PRPF4: variants seen among roughly 807,000 people sequenced by gnomAD.
PRPF4 encodes the protein pre-mRNA splicing tri-snRNP complex factor PRPF4.
PRPF4 carries 14 observed loss-of-function variants against 72.2 expected under a neutral mutation model. The ratio of observed to expected loss-of-function variants is 0.19; its 90% CI spans 0.13 to 0.30. The LOEUF is 0.30. PRPF4 is among the 10% of genes least tolerant of loss of function. The pLI, the probability that PRPF4 is intolerant of heterozygous loss-of-function variation, is 1.00. For missense variants in PRPF4, 478 were observed against 653.9 expected (o/e 0.73, Z 2.93); for synonymous variants, 225 against 232.2 (o/e 0.97, Z 0.28).
chr9:113,276,609 A>G lies in PRPF4; in HGVS notation c.89A>G (p.Tyr30Cys). ...CCGGTCGTGAAGAAACCACACATCTATTATGGAAGTTTGGAAGAGAAGGAG... is the reference window on the plus strand; with the variant it reads ...CCGGTCGTGAAGAAACCACACATCTGTTATGGAAGTTTGGAAGAGAAGGAG... ...VAPVVKKPHI[Y>C]YGSLEEKERE... is the part of the protein sequence containing the mutation. The change falls in exon 2 of 14, where the codon TAT (tyrosine) becomes TGT (cysteine). Residue 30 changes from tyrosine (Y) to cysteine (C), a missense_variant. Transcript: ENST00000374198. The G allele has an allele frequency of 6.2e-7, 1 of 1,614,156 alleles. No homozygotes were observed. Among genetic ancestry groups the G allele is most frequent in the Non-Finnish European group, 8.5e-7 (1 of 1,180,030 alleles).
chr9:113,282,894 T>C (rs1290470987), intron 4 of PRPF4, 161 bp downstream of exon 4: 7 of 1,002,972 alleles, frequency 7.0e-6, no homozygotes, highest in Non-Finnish European at 1.0e-5. Flanking sequence ...TTTGGTTCCT[T>C]TGTAAGTATG....
intron 10 of PRPF4, among the ~76,000 whole-genome samples, chr9:113,289,904 T>C (rs1832558439): frequency 6.6e-6 from 1 of 152,144 alleles, no homozygotes; most frequent in Non-Finnish European, 1.5e-5. Context: ...TGCTGGGCCA[T>C]TCTTGGGGAA....
chr9:113,289,532 C>T (rs903233936), intron 10 of PRPF4, among the ~76,000 whole-genome samples: 2 of 152,126 alleles, frequency 1.3e-5, no homozygotes, highest in African/African-American at 2.4e-5. Context: ...AGTGATCTCC[C>T]GTGATTTTCA....
intron 8 of PRPF4, 107 bp from the exon 9 acceptor site, chr9:113,286,598 G>A: frequency 1.5e-6 from 2 of 1,347,438 alleles, no homozygotes; most frequent in South Asian, 1.3e-5. Flanking sequence ...TGTTTTAATA[G>A]TTGAATAGTC....
At position 113,282,720 on chromosome 9, in the gene PRPF4, A is replaced by T. The variant is rs1832318794; in HGVS notation, c.467A>T (p.Lys156Met). 2 of 1,604,786 alleles carry T rather than the reference A, an allele frequency of 1.2e-6. No homozygotes were observed. The highest frequency in any genetic ancestry group is 2.2e-5 in the South Asian group (2 of 90,766). ...KTKKDDEKSKKSKEEYQQTWY... is the reference protein window; with the variant it reads ...KTKKDDEKSKMSKEEYQQTWY... ...AAAAAGGATGATGAGAAGTCTAAAA[A>T]GTCCAAAGAAGAGGTAGAACATGTC... Residue 156 changes from lysine (K) to methionine (M), a missense_variant, in exon 4 of 14, where the codon AAG (lysine) becomes ATG (methionine). By Grantham distance (95) the Lys-to-Met change is moderately conservative. Coordinates refer to ENST00000374198, the MANE Select transcript of PRPF4 (RefSeq NM_001244926.2).
intron 2 of PRPF4, among the ~76,000 whole-genome samples, 181 bp downstream of exon 2, chr9:113,276,906 C>G (rs893500790): frequency 6.6e-6 from 1 of 151,782 alleles, no homozygotes; most frequent in Non-Finnish European, 1.5e-5. Context: ...CCTCCGCCTC[C>G]CGGGTTCAAG....
chr9:113,276,176 C>T (rs1421033026), intron 1 of PRPF4, among the ~76,000 whole-genome samples: 1 of 152,156 alleles, frequency 6.6e-6, no homozygotes, highest in African/African-American at 2.4e-5. Flanking sequence ...CCTTTAGCAC[C>T]GCGTTGGTTA....
At position 113,291,490 on chromosome 9, in the gene PRPF4, A is replaced by T; in HGVS notation, c.1396A>T (p.Thr466Ser). 1 of 1,613,868 alleles carries T rather than the reference A, an allele frequency of 6.2e-7. No individual in the cohort carries two copies. Among genetic ancestry groups the T allele is most frequent in the Non-Finnish European group, 8.5e-7 (1 of 1,179,832 alleles). Residue 466 changes from threonine (T) to serine (S), a missense_variant, in exon 14 of 14, where the codon ACT (threonine) becomes TCT (serine). Coordinates refer to ENST00000374198, the MANE Select transcript of PRPF4 (RefSeq NM_001244926.2). ...AGCTATCCATGGGAACTTCTTGCTTACTGGTGCCTATGATAACACAGCCAA... is the reference window on the plus strand; with the variant it reads ...AGCTATCCATGGGAACTTCTTGCTTTCTGGTGCCTATGATAACACAGCCAA... ...FEPIHGNFLL[T>S]GAYDNTAKIW... is the part of the protein sequence containing the mutation.
Position 113,290,956 on chromosome 9 carries a change from C to T in PRPF4, c.1312C>T (p.Arg438Trp), listed in dbSNP as rs751539008. 9 of 1,614,132 alleles carry T rather than the reference C, an allele frequency of 5.6e-6. No individual in the cohort carries two copies. Among genetic ancestry groups the T allele is most frequent in the East Asian group, 2.2e-5 (1 of 44,884 alleles). ...CTGCAAAGTGTGGGACCTCCGACAG[C>T]GGCGTTGCGTCTACACCATCCCTGC... ...NTCKVWDLRQ[R>W]RCVYTIPAHQ... Residue 438 changes from arginine to tryptophan, a missense_variant, in exon 13 of 14, where the codon CGG (arginine) becomes TGG (tryptophan). Arg to Trp is a moderately radical substitution (Grantham distance 101, BLOSUM62 -3). Coordinates refer to ENST00000374198, the MANE Select transcript of PRPF4 (RefSeq NM_001244926.2).
chr9:113,288,322 T>C, intron 10 of PRPF4, 58 bp downstream of exon 10: 2 of 1,496,270 alleles, frequency 1.3e-6, no homozygotes, highest in Non-Finnish European at 1.8e-6. Context: ...CTTAACCCTT[T>C]ATGGCTATCT....
At chr9:113,277,405 T>TGA (rs1832143085) in intron 2 of PRPF4, among the ~76,000 whole-genome samples, 1 of 151,934 alleles carries the variant, frequency 6.6e-6, no homozygotes, top group Non-Finnish European at 1.5e-5. Context: ...TGTGTGTGTG[T>TGA]GACAGGGTCT....
chr9:113,290,685 A>C lies in PRPF4; in HGVS notation c.1146-15A>C. 6.2e-7 allele frequency: 1 copy of C among 1,614,164 alleles called. No individual in the cohort carries two copies. Among genetic ancestry groups the C allele is most frequent in the Non-Finnish European group, 8.5e-7 (1 of 1,180,010 alleles). On this transcript the variant is annotated splice_polypyrimidine_tract_variant and intron_variant, in intron 11 of 13. Transcript: ENST00000374198. ...AACTGGATTCAAAGTGTTCATTTCT[A>C]AATTATTTTCTCAGGGGACTGGATG...
In PRPF4 at chr9:113,278,899, C is replaced by G. The variant is rs190541249; in HGVS notation, c.206-46C>G. ...TGCAATTACTAGAAATTATTTCTCT[C>G]TATTTGAAGAAGATCTGCTGATGTT... On this transcript the variant is annotated intron_variant, in intron 2 of 13. Transcript: ENST00000374198. The G allele has an allele frequency of 8.9e-6, 14 of 1,575,982 alleles. No individual in the cohort carries two copies. The East Asian group carries it at 2.7e-4, about 30-fold the overall frequency.
chr9:113,291,460 C>T lies in PRPF4; in HGVS notation c.1373-7C>T. On this transcript the variant is annotated splice_polypyrimidine_tract_variant and splice_region_variant and intron_variant, in intron 13 of 13. Coordinates refer to ENST00000374198, the MANE Select transcript of PRPF4 (RefSeq NM_001244926.2). ...CCTCAAGCAATTCCCCTTCTCTTCTCCTGTAGCTATCCATGGGAACTTCTT... is the reference window on the plus strand; with the variant it reads ...CCTCAAGCAATTCCCCTTCTCTTCTTCTGTAGCTATCCATGGGAACTTCTT... The T allele has an allele frequency of 6.2e-7, 1 of 1,608,452 alleles. No homozygotes were observed. The highest frequency in any genetic ancestry group is 8.5e-7 in the Non-Finnish European group (1 of 1,175,162).
At chr9:113,280,183 G>T (rs928167818) in intron 3 of PRPF4, among the ~76,000 whole-genome samples, 6 of 152,010 alleles carry the variant, frequency 3.9e-5, no homozygotes, top group African/African-American at 1.5e-4. Context: ...CTCCCTCCTT[G>T]AACTACTCCC....
intron 3 of PRPF4, among the ~76,000 whole-genome samples, chr9:113,281,792 C>G (rs1047559573): frequency 1.3e-5 from 2 of 152,038 alleles, no homozygotes; most frequent in Non-Finnish European, 2.9e-5. Context: ...TTTAATGAAG[C>G]CTTCCCTGAT....
chr9:113,286,651 A>C (rs1241992330), intron 8 of PRPF4, 54 bp from the exon 9 acceptor site: 77 of 1,605,384 alleles, frequency 4.8e-5, no homozygotes, highest in Non-Finnish European at 6.2e-5. Flanking sequence ...AGTATATAAC[A>C]TGGGTTATAA....
At chr9:113,283,082 G>T (rs763391501) in intron 4 of PRPF4, 50 bp from the exon 5 acceptor site, 35 of 1,612,694 alleles carry the variant, frequency 2.2e-5, no homozygotes, top group Non-Finnish European at 2.9e-5. Context: ...AGTTATAAGA[G>T]GAGTAGAATG....
intron 2 of PRPF4, among the ~76,000 whole-genome samples, chr9:113,277,227 C>T (rs759855328): frequency 4.6e-5 from 7 of 152,124 alleles, no homozygotes; most frequent in Non-Finnish European, 1.0e-4. Flanking sequence ...TATGAGTGAG[C>T]AGTCTTATCA....
Sources: gnomAD v4.1 joint callset for allele counts (sites outside exome capture counted in the v4.1 genomes callset) on GRCh38, gnomAD v4.1.1 for gene constraint, MANE v1.5 for transcripts, NCBI Gene and HGNC (gene_info 2026-07-23, HGNC 2026-07-21) for gene names.